Variants in PTN observed in about 807,000 individuals in gnomAD.
PTN encodes the protein pleiotrophin, also known as heparin affin regulatory protein.
PTN carries 18 observed loss-of-function variants against 24.1 expected under a neutral mutation model. The ratio of observed to expected loss-of-function variants is 0.75; its 90% CI spans 0.52 to 1.11. PTN has a LOEUF of 1.11. Among genes scored for constraint, PTN ranks in the 50% least tolerant of loss-of-function variants. PTN has a pLI of 0.00. For missense variants in PTN, 163 were observed against 198.8 expected (o/e 0.82, Z 1.08); for synonymous variants, 78 against 68.6 (o/e 1.14, Z -0.67).
intron 1 of PTN, among the ~76,000 whole-genome samples, chr7:137,295,132 T>G (rs1332605268): frequency 6.6e-6 from 1 of 152,098 alleles, no homozygotes; most frequent in South Asian, 2.1e-4. Flanking sequence ...GAAATACACA[T>G]CAGATTTTAG....
At chr7:137,322,906 A>G (rs1438955729) in intron 1 of PTN, among the ~76,000 whole-genome samples, 1 of 152,196 alleles carries the variant, frequency 6.6e-6, no homozygotes, top group African/African-American at 2.4e-5. Flanking sequence ...CCTCTTAGTC[A>G]TATCCAATTT....
chr7:137,279,942 A>T (rs1370826769), intron 1 of PTN, among the ~76,000 whole-genome samples: 1 of 152,204 alleles, frequency 6.6e-6, no homozygotes, highest in African/African-American at 2.4e-5. Flanking sequence ...AATAAGTTAA[A>T]TTTTTTAGGA....
intron 1 of PTN, among the ~76,000 whole-genome samples, chr7:137,306,707 T>G (rs1484363776): frequency 6.6e-6 from 1 of 152,148 alleles, no homozygotes; most frequent in Non-Finnish European, 1.5e-5. Flanking sequence ...TTTATTTACC[T>G]CCTTGCTAGA....
intron 1 of PTN, among the ~76,000 whole-genome samples, chr7:137,324,433 A>AAAAAAAAAAAAAAAATATAT: frequency 3.4e-5 from 3 of 88,804 alleles, no homozygotes; most frequent in African/African-American, 2.1e-4. Context: ...AAAAAAAAAA[A>AAAAAAAAAAAAAAAATATAT]ATATATATAT....
intron 1 of PTN, among the ~76,000 whole-genome samples, chr7:137,272,181 A>G (rs2128874527): frequency 6.6e-6 from 1 of 152,256 alleles, no homozygotes; most frequent in East Asian, 1.9e-4. Flanking sequence ...ATTTCCTTCT[A>G]AACCACAATC....
intron 1 of PTN, among the ~76,000 whole-genome samples, chr7:137,328,661 GA>G (rs1810302089): frequency 6.6e-6 from 1 of 152,140 alleles, no homozygotes; most frequent in Non-Finnish European, 1.5e-5. Flanking sequence ...TGGAGAAACA[GA>G]TTGAGCAGCT....
chr7:137,307,529 T>G (rs1362969511), intron 1 of PTN, among the ~76,000 whole-genome samples: 1 of 152,134 alleles, frequency 6.6e-6, no homozygotes, highest in Non-Finnish European at 1.5e-5. Context: ...TTTAAATTTT[T>G]ATTTCTGACC....
chr7:137,254,749 G>C, intron 2 of PTN, 110 bp downstream of exon 2: 1 of 592,624 alleles, frequency 1.7e-6, no homozygotes, highest in Non-Finnish European at 2.7e-6. Flanking sequence ...AAGGAATAGA[G>C]GAATAGGAAG....
At chr7:137,271,235 A>C (rs574787454) in intron 1 of PTN, among the ~76,000 whole-genome samples, 9 of 152,326 alleles carry the variant, frequency 5.9e-5, no homozygotes, top group Admixed American at 5.9e-4. Flanking sequence ...AAAACAAACA[A>C]ATCAAGAAAT....
At chr7:137,314,249 C>T (rs1446996014) in intron 1 of PTN, among the ~76,000 whole-genome samples, 1 of 152,166 alleles carries the variant, frequency 6.6e-6, no homozygotes, top group African/African-American at 2.4e-5. Context: ...ATAGGGCATA[C>T]ATTGAGTACT....
intron 4 of PTN, among the ~76,000 whole-genome samples, chr7:137,234,696 A>C (rs1808489095): frequency 6.6e-6 from 1 of 152,114 alleles, no homozygotes; most frequent in Non-Finnish European, 1.5e-5. Flanking sequence ...ATGTTTTTCA[A>C]GAAGTGAGAA....
rs574520993 is a variant in PTN, at chr7:137,299,837, C to T, written c.-2+43602G>A. Among the ~76,000 whole-genome samples the T allele has an allele frequency of 4.1e-4, 62 of 152,064 alleles. No homozygotes were observed. In the South Asian group the frequency reaches 0.012, roughly 30 times the overall value. The stretch of plus-strand genomic sequence containing the variant: ...TGACTCTTTTGCCAGAGACCCTGTC[C>T]TGACCCTAGAATCATGGTAGCCCCC... On this transcript the variant is annotated intron_variant, in intron 1 of 4. Transcript: ENST00000348225.
chr7:137,236,630 TTCA>T (rs1170138029), intron 4 of PTN, among the ~76,000 whole-genome samples: 1 of 152,122 alleles, frequency 6.6e-6, no homozygotes, highest in Non-Finnish European at 1.5e-5. Context: ...ACACCACAGA[TTCA>T]TCGACCTCTA....
intron 1 of PTN, among the ~76,000 whole-genome samples, chr7:137,302,160 C>G (rs186867219): frequency 1.9e-3 from 296 of 152,068 alleles, no homozygotes; most frequent in Non-Finnish European, 2.9e-3. Context: ...TGCATATTAT[C>G]ATATTTGATC....
At chr7:137,288,290 A>G (rs995947974) in intron 1 of PTN, among the ~76,000 whole-genome samples, 1 of 152,308 alleles carries the variant, frequency 6.6e-6, no homozygotes, top group African/African-American at 2.4e-5. Context: ...TGATACAACA[A>G]AGTTATGAAT....
chr7:137,306,744 C>A (rs1376548149), intron 1 of PTN, among the ~76,000 whole-genome samples: 1 of 152,112 alleles, frequency 6.6e-6, no homozygotes, highest in Non-Finnish European at 1.5e-5. Flanking sequence ...CTAAATATGA[C>A]AGCCCTTGAG....
chr7:137,255,995 A>G (rs1048756419), intron 1 of PTN, among the ~76,000 whole-genome samples: 6 of 152,120 alleles, frequency 3.9e-5, no homozygotes, highest in Non-Finnish European at 7.3e-5. Context: ...GTAGTACTAG[A>G]TTAGTTTAGG....
At chr7:137,239,329 CTTGAG>C (rs1410065569) in intron 4 of PTN, among the ~76,000 whole-genome samples, 1 of 152,100 alleles carries the variant, frequency 6.6e-6, no homozygotes, top group Non-Finnish European at 1.5e-5. Flanking sequence ...AGTATTCTTC[CTTGAG>C]TTTTCTCATG....
chr7:137,327,739 C>A (rs577483280), intron 1 of PTN, among the ~76,000 whole-genome samples: 1 of 152,290 alleles, frequency 6.6e-6, no homozygotes, highest in South Asian at 2.1e-4. Context: ...ACTCTTTTAT[C>A]ATTTCATTTT....
Sources: allele counts gnomAD v4.1 joint callset (sites outside exome capture counted in the v4.1 genomes callset), GRCh38; gene constraint gnomAD v4.1.1; transcripts MANE v1.5; gene names NCBI Gene and HGNC (gene_info 2026-07-23, HGNC 2026-07-21).